ZIM2: variants seen among roughly 807,000 people sequenced by gnomAD.
ZIM2 encodes zinc finger imprinted 2.
A neutral mutation model predicts 38.6 loss-of-function variants in ZIM2; 14 were observed. The observed-to-expected ratio is 0.36, with a 90% confidence interval of 0.24 to 0.57. The LOEUF is 0.57. ZIM2 is among the 20% of genes least tolerant of loss of function. ZIM2 has a pLI of 0.81. For missense variants in ZIM2, 680 were observed against 695.1 expected (o/e 0.98, Z 0.24); for synonymous variants, 247 against 245.8 (o/e 1.00, Z -0.04).
At chr19:56,808,623 G>A (rs1238684472) in intron 9 of ZIM2, among the ~76,000 whole-genome samples, 2 of 152,068 alleles carry the variant, frequency 1.3e-5, no homozygotes, top group East Asian at 1.9e-4. Context: ...ACTTAAACTC[G>A]AGAGCTGGCT....
Position 56,817,226 on chromosome 19 carries a change from C to T in ZIM2, c.490+520G>A, listed in dbSNP as rs553693488. On this transcript the variant is annotated intron_variant, in intron 9 of 12. Coordinates refer to ENST00000629319, the MANE Select transcript of ZIM2 (RefSeq NM_001387356.1). ...TTCTTCCTGGGACAGCCTTTTTGAT[C>T]GTGAATCGAGCCCTTCCCATCTGTG... 5.0e-6 allele frequency: 8 copies of T among 1,613,970 alleles called. No individual in the cohort carries two copies. The Admixed American group carries it at 6.7e-5, about 13-fold the overall frequency.
In ZIM2 at chr19:56,781,969, C is replaced by G. The variant is rs1379295688; in HGVS notation, c.723G>C (p.Arg241=). 1 of 1,613,654 alleles carries G rather than the reference C, an allele frequency of 6.2e-7. No homozygotes were observed. The highest frequency in any genetic ancestry group is 1.1e-5 in the South Asian group (1 of 91,050). The change falls in exon 11 of 13, where the codon CGG becomes CGC. Residue 241 remains arginine, a synonymous_variant. Coordinates refer to ENST00000629319, the MANE Select transcript of ZIM2 (RefSeq NM_001387356.1). ...LYREVMLENY[R]NLVSLGHQFS... is the part of the protein sequence containing the mutation. ...CATACTTACCCAGGGAGACCAGGTT[C>G]CGGTAATTCTCCAGCATCACCTCCC...
At chr19:56,838,584 A>G (rs886351896) in intron 1 of ZIM2, among the ~76,000 whole-genome samples, 1 of 152,220 alleles carries the variant, frequency 6.6e-6, no homozygotes, top group African/African-American at 2.4e-5. Context: ...GTCAGGCAAC[A>G]ACAGGGGAAG....
At chr19:56,828,549 C>G (rs1208798631) in intron 2 of ZIM2, among the ~76,000 whole-genome samples, 1 of 152,104 alleles carries the variant, frequency 6.6e-6, no homozygotes, top group Non-Finnish European at 1.5e-5. Flanking sequence ...TGGCAGAGAC[C>G]ACTGAAAGGC....
intron 9 of ZIM2, chr19:56,810,274 G>C: frequency 1.0e-6 from 1 of 981,396 alleles, no homozygotes. Flanking sequence ...TTTCTATAAT[G>C]AACACATTTC....
chr19:56,785,607 A>C (rs921853963), intron 10 of ZIM2, among the ~76,000 whole-genome samples: 4 of 152,234 alleles, frequency 2.6e-5, no homozygotes, highest in African/African-American at 9.6e-5. Flanking sequence ...AAGGCCTACA[A>C]TAAGCCACAC....
chr19:56,803,398 A>C (rs188192616), intron 9 of ZIM2, among the ~76,000 whole-genome samples: 21 of 152,346 alleles, frequency 1.4e-4, no homozygotes, highest in Middle Eastern at 3.4e-3. Flanking sequence ...AGAGGAACAG[A>C]GGAGGGCAGA....
intron 2 of ZIM2, chr19:56,833,419 C>G (rs2061768124): frequency 3.0e-6 from 1 of 337,152 alleles, no homozygotes; most frequent in African/African-American, 2.2e-5. Context: ...TCCTGCCTCT[C>G]TCTGCAGACC....
intron 11 of ZIM2, among the ~76,000 whole-genome samples, chr19:56,780,444 ATGTTGG>A (rs1465474164): frequency 2.0e-5 from 3 of 151,996 alleles, no homozygotes; most frequent in African/African-American, 7.2e-5. Flanking sequence ...GGGTTTCACC[ATGTTGG>A]CCAGGCTGGT....
At chr19:56,791,634 A>C (rs2046935076) in intron 9 of ZIM2, among the ~76,000 whole-genome samples, 1 of 152,148 alleles carries the variant, frequency 6.6e-6, no homozygotes, top group Non-Finnish European at 1.5e-5. Context: ...TGCTTCTTTC[A>C]TGTCCATACT....
At chr19:56,799,541 A>G (rs2047402945) in intron 9 of ZIM2, 1 of 152,032 alleles carries the variant, frequency 6.6e-6, no homozygotes, top group Admixed American at 6.6e-5. Context: ...GCTGCAAACC[A>G]CTATGGCACA....
At chr19:56,822,922 G>C in intron 5 of ZIM2, 86 bp from the exon 6 acceptor site, 1 of 1,520,902 alleles carries the variant, frequency 6.6e-7, no homozygotes, top group Non-Finnish European at 8.9e-7. Flanking sequence ...CCTCTGGAAA[G>C]AGATGCTACC....
At position 56,817,437 on chromosome 19, in the gene ZIM2, G is replaced by A. The variant is rs761941052; in HGVS notation, c.490+309C>T. On this transcript the variant is annotated intron_variant, in intron 9 of 12. Coordinates refer to ENST00000629319, the MANE Select transcript of ZIM2 (RefSeq NM_001387356.1). ...TTCTGGGGAATCTCTGTGACCGGTCGCTTGACTCCCTTGCTCTTCCCGATT... is the reference window on the plus strand; with the variant it reads ...TTCTGGGGAATCTCTGTGACCGGTCACTTGACTCCCTTGCTCTTCCCGATT... 46 of 1,613,970 alleles carry A rather than the reference G, an allele frequency of 2.9e-5. No individual in the cohort carries two copies. The African/African-American group carries it at 3.2e-4, about 11-fold the overall frequency.
rs746694358 is a variant in ZIM2 at position 56,814,696 on chromosome 19, T to C, written c.490+3050A>G. 1 of 1,613,992 alleles carries C rather than the reference T, an allele frequency of 6.2e-7. No individual in the cohort carries two copies. The highest frequency in any genetic ancestry group is 2.2e-5 in the East Asian group (1 of 44,854). ...CTGGCTCTGCTCCAGTAAATCATCT[T>C]CCCTATGAAGTCTCATATGCTCATT... On this transcript the variant is annotated intron_variant, in intron 9 of 12. Coordinates refer to ENST00000629319, the MANE Select transcript of ZIM2 (RefSeq NM_001387356.1). The surrounding 1 kb of genome is among the most constrained non-coding windows in gnomAD (Gnocchi z 5.8).
rs552976487 is a variant in ZIM2, at chr19:56,821,068, T to C, written c.294+583A>G. ...GCTGCCTCTTAAACCACAACTGCCATAATTGTTAACATTTAACGGTGTGCC... is the reference window on the plus strand; with the variant it reads ...GCTGCCTCTTAAACCACAACTGCCACAATTGTTAACATTTAACGGTGTGCC... On this transcript the variant is annotated intron_variant, in intron 7 of 12. Coordinates refer to ENST00000629319, the MANE Select transcript of ZIM2 (RefSeq NM_001387356.1). Among the ~76,000 whole-genome samples, 3 of 152,360 alleles carry C rather than the reference T, an allele frequency of 2.0e-5. No homozygotes were observed. The South Asian group carries it at 6.2e-4, about 32-fold the overall frequency.
rs746934903 is a variant in ZIM2 at position 56,814,226 on chromosome 19, C to T, written c.490+3520G>A. On this transcript the variant is annotated intron_variant, in intron 9 of 12. Transcript: ENST00000629319. This position sits in a 1 kb window ranked among gnomAD's most constrained non-coding sequence, Gnocchi z 5.8. Reference sequence around the variant, plus strand: ...TCCACTTCTGGCTCAGCAGCCTCCACTTCTGGCTCGGCAGCCTCCACTTCT... The same window carrying T: ...TCCACTTCTGGCTCAGCAGCCTCCATTTCTGGCTCGGCAGCCTCCACTTCT... 6.2e-7 allele frequency: 1 copy of T among 1,613,148 alleles called. No individual in the cohort carries two copies. The highest frequency in any genetic ancestry group is 1.1e-5 in the South Asian group (1 of 91,066).
intron 4 of ZIM2, among the ~76,000 whole-genome samples, 171 bp from the exon 5 acceptor site, chr19:56,823,850 C>A (rs529270367): frequency 1.3e-5 from 2 of 152,258 alleles, no homozygotes; most frequent in South Asian, 2.1e-4. Flanking sequence ...TCCTGGCATA[C>A]TAAAAACTGG....
intron 1 of ZIM2, 117 bp downstream of exon 1, chr19:56,840,465 C>T (rs374473845): frequency 2.0e-5 from 3 of 152,242 alleles, no homozygotes; most frequent in African/African-American, 4.8e-5. Flanking sequence ...CCACAAGGGT[C>T]GCTGGCTTGC....
At chr19:56,779,173 A>G (rs112690405) in intron 12 of ZIM2, among the ~76,000 whole-genome samples, 1,830 of 152,138 alleles carry the variant, frequency 0.012, 36 homozygotes, top group African/African-American at 0.041. Flanking sequence ...CGAGGGTGAA[A>G]GGACACTGGC....
Sources: allele counts gnomAD v4.1 joint callset (sites outside exome capture counted in the v4.1 genomes callset), GRCh38; gene constraint gnomAD v4.1.1; non-coding constraint Gnocchi (gnomAD v3.1); transcripts MANE v1.5; gene names NCBI Gene and HGNC (gene_info 2026-07-23, HGNC 2026-07-21).